SRGAP3: variants seen among roughly 807,000 people sequenced by gnomAD.
The protein encoded by SRGAP3 is SLIT-ROBO Rho GTPase activating protein 3.
A neutral mutation model predicts 121.1 loss-of-function variants in SRGAP3; 39 were observed. The observed-to-expected ratio is 0.32, with a 90% CI of 0.25 to 0.42. The LOEUF (loss-of-function observed/expected upper bound fraction) is 0.42, where lower values mean the gene tolerates loss of function less well. SRGAP3 is among the 10% of genes least tolerant of loss of function. SRGAP3 has a pLI of 1.00. For missense variants in SRGAP3, 1,213 were observed against 1,470.6 expected (o/e 0.82, Z 2.86); for synonymous variants, 601 against 570.0 (o/e 1.05, Z -0.77).
chr3:9,097,063 G>A (rs111244777), intron 3 of SRGAP3, among the ~76,000 whole-genome samples: 2,868 of 147,886 alleles, frequency 0.019, 78 homozygotes, highest in African/African-American at 0.061. Context: ...CAATCTTGGC[G>A]CACTGCAGCC....
chr3:9,197,363 G>A (rs1273499034), intron 1 of SRGAP3, among the ~76,000 whole-genome samples: 2 of 152,248 alleles, frequency 1.3e-5, no homozygotes, highest in Non-Finnish European at 1.5e-5. Context: ...GCTGAGAACT[G>A]TGAATTGGGA....
At chr3:9,132,829 T>G (rs764901421) in intron 1 of SRGAP3, among the ~76,000 whole-genome samples, 3 of 136,240 alleles carry the variant, frequency 2.2e-5, no homozygotes, top group Non-Finnish European at 3.3e-5. Flanking sequence ...GGAATTACAT[T>G]TTTAAATAGG....
intron 1 of SRGAP3, among the ~76,000 whole-genome samples, chr3:9,214,478 T>C (rs1175213447): frequency 1.3e-5 from 2 of 152,194 alleles, no homozygotes; most frequent in African/African-American, 4.8e-5. Flanking sequence ...GGTTTACTGT[T>C]AACATCCAAC....
chr3:9,004,636 T>A (rs1397055098), intron 18 of SRGAP3, among the ~76,000 whole-genome samples: 1 of 152,174 alleles, frequency 6.6e-6, no homozygotes, highest in Non-Finnish European at 1.5e-5. Flanking sequence ...GTCAAAGGAC[T>A]TTTTTTAACA....
intron 1 of SRGAP3, among the ~76,000 whole-genome samples, chr3:9,196,243 G>T (rs140011869): frequency 2.5e-3 from 382 of 152,296 alleles, no homozygotes; most frequent in Middle Eastern, 6.8e-3. Flanking sequence ...ATGAGCCCTG[G>T]GGACCACCCA....
At chr3:9,324,988 GT>G (rs1955494339) in intron 3 of SRGAP3, among the ~76,000 whole-genome samples, 1 of 151,490 alleles carries the variant, frequency 6.6e-6, no homozygotes, top group Admixed American at 6.5e-5. Flanking sequence ...TTTTGGCCAG[GT>G]TCTCACTTAG....
intron 14 of SRGAP3, among the ~76,000 whole-genome samples, chr3:9,016,482 T>C (rs1025732189): frequency 5.3e-5 from 8 of 152,238 alleles, no homozygotes. Flanking sequence ...GGTGATGTTA[T>C]GGACACCTTA....
At chr3:9,175,037 C>T (rs561603675) in intron 1 of SRGAP3, among the ~76,000 whole-genome samples, 1 of 152,296 alleles carries the variant, frequency 6.6e-6, no homozygotes, top group Admixed American at 6.5e-5. Flanking sequence ...CTCATTCCCA[C>T]AGTCCCCCTA....
intron 1 of SRGAP3, among the ~76,000 whole-genome samples, chr3:9,247,656 G>C (rs1014915945): frequency 2.0e-5 from 3 of 152,196 alleles, no homozygotes; most frequent in African/African-American, 7.2e-5. Context: ...ACCTCAGGTT[G>C]CTTGAGCCCC....
intron 3 of SRGAP3, among the ~76,000 whole-genome samples, chr3:9,086,776 T>A (rs932030112): frequency 4.9e-4 from 72 of 146,884 alleles, no homozygotes; most frequent in Non-Finnish European, 8.0e-4. Context: ...TAATATGTAT[T>A]TTATATGTAT....
chr3:9,165,170 A>G (rs1950741107), intron 1 of SRGAP3, among the ~76,000 whole-genome samples: 1 of 152,228 alleles, frequency 6.6e-6, no homozygotes, highest in Non-Finnish European at 1.5e-5. Flanking sequence ...GGGGCCCCCC[A>G]GTGGAGGCCT....
At chr3:9,207,621 C>T (rs1006638714) in intron 1 of SRGAP3, among the ~76,000 whole-genome samples, 2 of 152,156 alleles carry the variant, frequency 1.3e-5, no homozygotes, top group Non-Finnish European at 2.9e-5. Flanking sequence ...GAAGCCAGGC[C>T]ACACTACAGG....
chr3:9,037,412 G>C (rs1298531715), intron 11 of SRGAP3: 1 of 152,890 alleles, frequency 6.5e-6, no homozygotes, highest in African/African-American at 2.4e-5. Flanking sequence ...CAGCTGCTGA[G>C]TGGAAAGTGT....
At chr3:9,329,031 C>A (rs2125285316) in intron 2 of SRGAP3, among the ~76,000 whole-genome samples, 2 of 152,200 alleles carry the variant, frequency 1.3e-5, no homozygotes, top group South Asian at 4.1e-4. Flanking sequence ...GGACCTGCAG[C>A]AGTTTGTTAT....
chr3:9,121,512 T>C (rs1308927779), intron 2 of SRGAP3, among the ~76,000 whole-genome samples: 1 of 152,124 alleles, frequency 6.6e-6, no homozygotes, highest in Admixed American at 6.5e-5. Context: ...TGCCATCACA[T>C]TAGCATCGTG....
intron 3 of SRGAP3, among the ~76,000 whole-genome samples, chr3:9,276,297 C>G (rs552670119): frequency 6.6e-6 from 1 of 152,228 alleles, no homozygotes; most frequent in South Asian, 2.1e-4. Flanking sequence ...TAAGGGGTCC[C>G]CTAGTTAGCT....
intron 10 of SRGAP3, among the ~76,000 whole-genome samples, chr3:9,045,404 GAAGA>G (rs1337166795): frequency 1.3e-5 from 2 of 152,060 alleles, no homozygotes; most frequent in Non-Finnish European, 2.9e-5. Context: ...TCAAAACTCA[GAAGA>G]GAGACTGGTA....
intron 1 of SRGAP3, among the ~76,000 whole-genome samples, chr3:9,187,391 C>T (rs1951629147): frequency 2.0e-5 from 3 of 152,202 alleles, no homozygotes; most frequent in South Asian, 4.2e-4. Context: ...GAGGGCAAGT[C>T]GGGGAGAACT....
At chr3:9,157,854 T>C (rs188714233) in intron 1 of SRGAP3, among the ~76,000 whole-genome samples, 1 of 152,346 alleles carries the variant, frequency 6.6e-6, no homozygotes, top group African/African-American at 2.4e-5. Flanking sequence ...CAACTAATGA[T>C]GTGACACAGG....
Sources: gnomAD v4.1 joint callset for allele counts (sites outside exome capture counted in the v4.1 genomes callset) on GRCh38, gnomAD v4.1.1 for gene constraint, MANE v1.5 for transcripts, NCBI Gene and HGNC (gene_info 2026-07-23, HGNC 2026-07-21) for gene names.